KLRG1: variants seen among roughly 807,000 people sequenced by gnomAD.
KLRG1 encodes the protein killer cell lectin-like receptor subfamily G member 1.
In KLRG1, 16 loss-of-function variants were observed where a neutral mutation model predicts 21.8. The ratio of observed to expected loss-of-function variants is 0.73; its 90% CI spans 0.50 to 1.11. The LOEUF (loss-of-function observed/expected upper bound fraction) is 1.11, where lower values mean the gene tolerates loss of function less well. KLRG1 is among the 50% of genes most tolerant of loss of function. The pLI is 0.00. For missense variants in KLRG1, 173 were observed against 218.3 expected, an observed-to-expected ratio of 0.79 and a Z score of 1.31; for synonymous variants, 69 against 75.9, an observed-to-expected ratio of 0.91 and a Z score of 0.47.
the KLRG1 span, among the ~76,000 whole-genome samples, chr12:9,212,924 A>G: frequency 6.6e-6 from 1 of 152,212 alleles, no homozygotes; most frequent in African/African-American, 2.4e-5. Flanking sequence ...CCCCCAAAAG[A>G]AACTACATAC....
At chr12:8,991,592 A>T (rs1183230976) in intron 1 of KLRG1, among the ~76,000 whole-genome samples, 1 of 152,148 alleles carries the variant, frequency 6.6e-6, no homozygotes, top group Non-Finnish European at 1.5e-5. Flanking sequence ...AGATATTTGT[A>T]TATCCTGTTC....
the KLRG1 span, among the ~76,000 whole-genome samples, chr12:9,200,630 G>C: frequency 6.6e-6 from 1 of 152,272 alleles, no homozygotes; most frequent in Admixed American, 6.5e-5. Flanking sequence ...GACTTCTTGA[G>C]CACAGCGGGT....
the KLRG1 span, among the ~76,000 whole-genome samples, chr12:9,053,181 G>T: frequency 6.7e-6 from 1 of 149,786 alleles, no homozygotes; most frequent in Non-Finnish European, 1.5e-5. Context: ...GTCTGAGTGT[G>T]AGTGTGGGTG....
At chr12:9,147,967 GATA>G in the KLRG1 span, among the ~76,000 whole-genome samples, 2 of 151,836 alleles carry the variant, frequency 1.3e-5, no homozygotes, top group Non-Finnish European at 2.9e-5. Flanking sequence ...CTGTAGATAG[GATA>G]ATGTCATTCT....
At chr12:8,983,681 G>A (rs1438222821) in intron 1 of KLRG1, among the ~76,000 whole-genome samples, 2 of 152,094 alleles carry the variant, frequency 1.3e-5, no homozygotes, top group Non-Finnish European at 1.5e-5. Flanking sequence ...GATTACAGCC[G>A]TGAACCGCCG....
the KLRG1 span, chr12:9,200,890 A>G: frequency 6.2e-7 from 1 of 1,611,258 alleles, no homozygotes; most frequent in Non-Finnish European, 8.5e-7. Flanking sequence ...CATAATCCAT[A>G]CCAAATTCCT....
chr12:9,095,068 G>A, the KLRG1 span: 1 of 1,583,022 alleles, frequency 6.3e-7, no homozygotes, highest in Non-Finnish European at 8.6e-7. Context: ...GTTGGTGAAT[G>A]CCTTTAAGCC....
At chr12:8,986,224 G>GTGA (rs1330372049), upstream of KLRG1, among the ~76,000 whole-genome samples, 1 of 152,230 alleles carries the variant, frequency 6.6e-6, no homozygotes, top group Admixed American at 6.5e-5. Context: ...GGTTCACGCA[G>GTGA]TGAACCCTGT....
At chr12:9,106,422 C>T in the KLRG1 span, 1 of 1,432,020 alleles carries the variant, frequency 7.0e-7, no homozygotes, top group South Asian at 1.2e-5. Flanking sequence ...CCCCAACTTA[C>T]AATTCATTAT....
the KLRG1 span, among the ~76,000 whole-genome samples, chr12:9,097,948 G>A: frequency 6.6e-6 from 1 of 152,100 alleles, no homozygotes. Context: ...TTATAAAAAC[G>A]GAAATCTGAT....
At chr12:9,206,592 C>G in the KLRG1 span, among the ~76,000 whole-genome samples, 1 of 152,118 alleles carries the variant, frequency 6.6e-6, no homozygotes, top group Admixed American at 6.5e-5. Flanking sequence ...CCCCTGAAAC[C>G]TTCATCTTTC....
the KLRG1 span, among the ~76,000 whole-genome samples, chr12:9,158,752 CTTTTCTTTTT>C: frequency 1.0e-5 from 1 of 97,818 alleles, no homozygotes; most frequent in Non-Finnish European, 2.0e-5. Flanking sequence ...TTTTTCTTTT[CTTTTCTTTTT>C]TTTTTTTTTT....
At chr12:9,155,923 C>A in the KLRG1 span, 1 of 160,272 alleles carries the variant, frequency 6.2e-6, no homozygotes, top group South Asian at 1.9e-4. Context: ...TCTATGGAGT[C>A]ACACCATCCT....
chr12:9,030,651 C>T, the KLRG1 span, among the ~76,000 whole-genome samples: 2 of 152,090 alleles, frequency 1.3e-5, no homozygotes, highest in Admixed American at 6.5e-5. Flanking sequence ...TGTGATCTGC[C>T]CGCCTCGGCC....
chr12:9,035,028 T>C, the KLRG1 span, among the ~76,000 whole-genome samples: 3 of 146,526 alleles, frequency 2.0e-5, no homozygotes, highest in Admixed American at 6.9e-5. Flanking sequence ...ATTTAAAAAG[T>C]AAAAAAAAAA....
At chr12:8,978,639 C>T (rs1458002494) in intron 1 of KLRG1, among the ~76,000 whole-genome samples, 1 of 124,856 alleles carries the variant, frequency 8.0e-6, no homozygotes, top group African/African-American at 3.2e-5. Flanking sequence ...CTTTTTCTTT[C>T]TTTTCTTTCT....
At chr12:9,079,214 A>C in the KLRG1 span, 1 of 1,584,448 alleles carries the variant, frequency 6.3e-7, no homozygotes, top group Non-Finnish European at 8.7e-7. Flanking sequence ...GGCACACAAA[A>C]AGAAGCTCAA....
At chr12:9,101,726 A>C in the KLRG1 span, 1 of 1,394,456 alleles carries the variant, frequency 7.2e-7, no homozygotes. Context: ...CATAAAGATT[A>C]ATGTTCTCAC....
At chr12:9,089,787 G>A in the KLRG1 span, 100 of 767,812 alleles carry the variant, frequency 1.3e-4, no homozygotes, top group Non-Finnish European at 1.8e-4. Flanking sequence ...TAAATCAAGA[G>A]AGAGATAGGA....
Sources: allele counts gnomAD v4.1 joint callset (sites outside exome capture counted in the v4.1 genomes callset), GRCh38; gene constraint gnomAD v4.1.1; transcripts MANE v1.5; gene names NCBI Gene and HGNC (gene_info 2026-07-23, HGNC 2026-07-21).